The following MGAT4C variants were observed in gnomAD, a reference collection of about 807,000 sequenced individuals.
MGAT4C encodes MGAT4 family member C.
MGAT4C carries 19 observed loss-of-function variants against 40.1 expected under a neutral mutation model. The observed-to-expected ratio is 0.47, with a 90% CI of 0.33 to 0.70. The LOEUF (loss-of-function observed/expected upper bound fraction) is 0.70. MGAT4C is among the 30% of genes least tolerant of loss of function. MGAT4C has a pLI of 0.02. For missense variants in MGAT4C, 491 were observed against 563.2 expected (o/e 0.87, Z 1.30); for synonymous variants, 181 against 187.1 (o/e 0.97, Z 0.27).
intron 1 of MGAT4C, among the ~76,000 whole-genome samples, chr12:86,107,213 T>C (rs1876358438): frequency 6.6e-6 from 1 of 152,234 alleles, no homozygotes; most frequent in Admixed American, 6.5e-5. Flanking sequence ...TTTAATTGTA[T>C]GAGCCTTGTA....
At chr12:86,824,311 A>G (rs928354522) in intron 1 of MGAT4C, among the ~76,000 whole-genome samples, 1 of 151,516 alleles carries the variant, frequency 6.6e-6, no homozygotes, top group Non-Finnish European at 1.5e-5. Flanking sequence ...TAAAGGGAAA[A>G]TGTCAAAGTT....
At chr12:86,284,979 T>A (rs964479965) in intron 4 of MGAT4C, among the ~76,000 whole-genome samples, 1 of 152,008 alleles carries the variant, frequency 6.6e-6, no homozygotes, top group Non-Finnish European at 1.5e-5. Context: ...TAGACAAAAT[T>A]TCATAGAAAC....
At chr12:86,045,205 T>C (rs986244226) in intron 2 of MGAT4C, among the ~76,000 whole-genome samples, 4 of 152,156 alleles carry the variant, frequency 2.6e-5, no homozygotes, top group Non-Finnish European at 5.9e-5. Flanking sequence ...TCAGGCATCT[T>C]ACTGAGACAA....
chr12:86,090,277 A>G (rs1872661904), intron 1 of MGAT4C, among the ~76,000 whole-genome samples: 1 of 151,740 alleles, frequency 6.6e-6, no homozygotes, highest in Non-Finnish European at 1.5e-5. Context: ...CATAAAGTTT[A>G]TGCATATATT....
chr12:86,828,991 A>G (rs565648466), intron 1 of MGAT4C, among the ~76,000 whole-genome samples: 8 of 151,740 alleles, frequency 5.3e-5, no homozygotes, highest in East Asian at 3.9e-4. Flanking sequence ...ATTCTATGGT[A>G]TATAAATTAT....
intron 3 of MGAT4C, among the ~76,000 whole-genome samples, chr12:86,389,103 T>C (rs973777033): frequency 5.9e-5 from 9 of 152,164 alleles, no homozygotes; most frequent in Non-Finnish European, 1.3e-4. Context: ...ATAGGTAAAC[T>C]TGTCACAGGG....
At chr12:86,008,712 C>A (rs1946698652) in intron 2 of MGAT4C, among the ~76,000 whole-genome samples, 1 of 152,026 alleles carries the variant, frequency 6.6e-6, no homozygotes, top group African/African-American at 2.4e-5. Context: ...TTAAGTATTT[C>A]AATGTAAGGT....
chr12:86,813,444 T>C lies in MGAT4C; in HGVS notation c.-262+25222A>G, dbSNP rs142312378. On this transcript the variant is annotated intron_variant, in intron 1 of 7. Coordinates refer to the MGAT4C transcript ENST00000548651. ...ATAATCTAATTTTGAAATTTTCTCA[T>C]AGTCTAGTGAATTTTCCTGGTACCA... 3.9e-3 allele frequency among the ~76,000 whole-genome samples: 559 copies of C among 143,780 alleles called. 1 individual carries two copies. Among genetic ancestry groups the C allele is most frequent in the African/African-American group, 0.014 (547 of 39,212 alleles). 94.3% of individuals were successfully genotyped at this position (143,780 alleles called of 152,430 possible).
At chr12:86,742,962 G>T (rs1951091943) in intron 1 of MGAT4C, among the ~76,000 whole-genome samples, 2 of 151,328 alleles carry the variant, frequency 1.3e-5, no homozygotes, top group African/African-American at 4.8e-5. Context: ...ATTATTCCAA[G>T]AAAAATGTGT....
intron 2 of MGAT4C, among the ~76,000 whole-genome samples, chr12:86,696,007 C>T (rs937699707): frequency 6.6e-6 from 1 of 151,776 alleles, no homozygotes; most frequent in African/African-American, 2.4e-5. Flanking sequence ...GTCAGGAGAT[C>T]AAGACCATCC....
At chr12:86,673,286 G>A (rs1964307730) in intron 2 of MGAT4C, among the ~76,000 whole-genome samples, 1 of 151,990 alleles carries the variant, frequency 6.6e-6, no homozygotes, top group Admixed American at 6.6e-5. Context: ...TATTCCATAG[G>A]GTAACTTTGA....
At chr12:86,011,751 T>A in intron 2 of MGAT4C, 1 of 792,924 alleles carries the variant, frequency 1.3e-6, no homozygotes, top group Non-Finnish European at 1.5e-6. Flanking sequence ...CGAATAATAC[T>A]GATTACTAGG....
intron 3 of MGAT4C, among the ~76,000 whole-genome samples, chr12:86,342,595 C>T (rs748305431): frequency 9.2e-5 from 14 of 152,124 alleles, no homozygotes; most frequent in African/African-American, 2.2e-4. Flanking sequence ...CTCATCACCA[C>T]GCCCGGCTAA....
chr12:86,745,208 C>T (rs1951135325), intron 1 of MGAT4C: 1 of 151,434 alleles, frequency 6.6e-6, no homozygotes, highest in African/African-American at 2.4e-5. Context: ...TCACCATCTA[C>T]TGAAAGACAT....
chr12:86,781,546 G>A (rs1435198666), intron 1 of MGAT4C, among the ~76,000 whole-genome samples: 1 of 151,910 alleles, frequency 6.6e-6, no homozygotes, highest in African/African-American at 2.4e-5. Context: ...AAGCTAATTT[G>A]AGTAAATGAT....
intron 3 of MGAT4C, among the ~76,000 whole-genome samples, chr12:86,344,288 T>C (rs1338557329): frequency 6.6e-6 from 1 of 152,172 alleles, no homozygotes; most frequent in South Asian, 2.1e-4. Context: ...AATGAAATCA[T>C]TTTTATATTT....
At chr12:86,765,036 G>A (rs200093747) in intron 1 of MGAT4C, among the ~76,000 whole-genome samples, 1 of 152,204 alleles carries the variant, frequency 6.6e-6, no homozygotes, top group African/African-American at 2.4e-5. Flanking sequence ...GACAAGTTGA[G>A]AGAAGAAGGC....
intron 2 of MGAT4C, among the ~76,000 whole-genome samples, chr12:86,587,579 T>C (rs988073230): frequency 6.6e-6 from 1 of 152,102 alleles, no homozygotes; most frequent in African/African-American, 2.4e-5. Flanking sequence ...TTCCTACCCA[T>C]GAGCATGGAA....
intron 3 of MGAT4C, among the ~76,000 whole-genome samples, chr12:86,381,423 G>T (rs1439204184): frequency 1.3e-5 from 2 of 152,162 alleles, no homozygotes; most frequent in Admixed American, 1.3e-4. Flanking sequence ...GGTCTCTGGT[G>T]CAAGTCCTAG....
Sources: gnomAD v4.1 joint callset for allele counts (sites outside exome capture counted in the v4.1 genomes callset) on GRCh38, gnomAD v4.1.1 for gene constraint, MANE v1.5 for transcripts, NCBI Gene and HGNC (gene_info 2026-07-23, HGNC 2026-07-21) for gene names.